The following UBR2 variants were observed in gnomAD, a reference collection of about 807,000 sequenced individuals.
The protein encoded by UBR2 is ubiquitin protein ligase E3 component n-recognin 2.
In UBR2, 92 loss-of-function variants were observed where a neutral mutation model predicts 247.9. That is an observed-to-expected ratio of 0.37 (90% CI 0.31 to 0.44). The LOEUF is 0.44. Among genes scored for constraint, UBR2 ranks in the 20% least tolerant of loss-of-function variants. The probability of loss-of-function intolerance (pLI) is 1.00; values close to 1 mark genes in which losing one functional copy is unlikely to be tolerated. For synonymous variants in UBR2, 672 were observed against 693.5 expected (o/e 0.97, Z 0.49); for missense variants, 1,613 against 2,112.6 (o/e 0.76, Z 4.64).
Position 42,644,326 on chromosome 6 carries a change from TTACCCA to T in UBR2, c.2213_2218del (p.Thr738_His739del). 1 of 1,612,278 alleles carries T rather than the reference TTACCCA, an allele frequency of 6.2e-7. No homozygotes were observed. The highest frequency in any genetic ancestry group is 8.5e-7 in the Non-Finnish European group (1 of 1,179,582). On this transcript the variant is annotated inframe_deletion, in exon 19 of 47. Transcript: ENST00000372901. ...TATGGAAAAAGATTTAGTTCTGAGA[TTACCCA>T]TAAGGTAAGAACGTGTTTTATGAAA... is the stretch of plus-strand genomic sequence containing the variant.
At position 42,663,261 on chromosome 6, in the gene UBR2, T is replaced by C; in HGVS notation, c.3540T>C (p.Tyr1180=). 1.2e-6 allele frequency: 2 copies of C among 1,601,236 alleles called. No individual in the cohort carries two copies. Among genetic ancestry groups the C allele is most frequent in the Non-Finnish European group, 1.7e-6 (2 of 1,174,470 alleles). The change falls in exon 32 of 47, where the codon TAT becomes TAC. Residue 1180 remains tyrosine, a synonymous_variant. Coordinates refer to ENST00000372901, the MANE Select transcript of UBR2 (RefSeq NM_001363705.2). The part of the protein sequence containing the change: ...HIMHAHCWQR[Y]FDSVQAKEQR... ...CTCATGTTCTCTAATTGTAAAGGTA[T>C]TTTGATTCCGTTCAAGCTAAAGAAC...
chr6:42,644,465 T>C lies in UBR2; in HGVS notation c.2221-8T>C. 1 of 1,610,898 alleles carries C rather than the reference T, an allele frequency of 6.2e-7. No individual in the cohort carries two copies. On this transcript the variant is annotated splice_polypyrimidine_tract_variant and splice_region_variant and intron_variant, in intron 19 of 46. Transcript: ENST00000372901. Reference sequence around the variant, plus strand: ...TCTCTGAACTTTATCTTCCCTCACTTGTTATAGGATGTTGTTCAGCAGAAC... The same window carrying C: ...TCTCTGAACTTTATCTTCCCTCACTCGTTATAGGATGTTGTTCAGCAGAAC...
chr6:42,574,853 C>T lies in UBR2; in HGVS notation c.338+860C>T, dbSNP rs145545461. On this transcript the variant is annotated intron_variant, in intron 2 of 46. Transcript: ENST00000372901. The stretch of plus-strand genomic sequence containing the variant: ...TGGGATTACAGGCTTAGCCCATGAC[C>T]ATGCCCAGTTAATTTTTGTATTTTT... 4.0e-3 allele frequency among the ~76,000 whole-genome samples: 611 copies of T among 152,146 alleles called. 1 individual carries two copies. Among genetic ancestry groups the T allele is most frequent in the African/African-American group, 0.014 (566 of 41,526 alleles).
At chr6:42,655,959 T>A (rs1271379541) in intron 26 of UBR2, among the ~76,000 whole-genome samples, 1 of 152,154 alleles carries the variant, frequency 6.6e-6, no homozygotes, top group East Asian at 1.9e-4. Flanking sequence ...GACGTAAGAT[T>A]CTACAGTATT....
chr6:42,633,178 GT>G (rs1795867599), intron 13 of UBR2, among the ~76,000 whole-genome samples: 8 of 151,184 alleles, frequency 5.3e-5, no homozygotes, highest in African/African-American at 1.9e-4. Context: ...TGTTGTTGTT[GT>G]TGTTGTTGTT....
rs151079380 is a variant in UBR2 at position 42,589,207 on chromosome 6, G to A, written c.339-2944G>A. Among the ~76,000 whole-genome samples the A allele has an allele frequency of 6.3e-3, 961 of 152,226 alleles. 11 individuals are homozygous for A. The highest frequency in any genetic ancestry group is 0.022 in the African/African-American group (928 of 41,534). On this transcript the variant is annotated intron_variant, in intron 2 of 46. Coordinates refer to ENST00000372901, the MANE Select transcript of UBR2 (RefSeq NM_001363705.2). ...ACTGGTCTAACTCCTGGCTTCAAGC[G>A]ATCCTCTCACCTCAGCCTCCCAAAG...
At position 42,642,470 on chromosome 6, in the gene UBR2, G is replaced by A; in HGVS notation, c.2086G>A (p.Val696Ile). 1 of 1,610,492 alleles carries A rather than the reference G, an allele frequency of 6.2e-7. No individual in the cohort carries two copies. The highest frequency in any genetic ancestry group is 8.5e-7 in the Non-Finnish European group (1 of 1,177,268). The change falls in exon 18 of 47, where the codon GTA becomes ATA. Residue 696 changes from valine to isoleucine, a missense_variant. Around this residue, in one of 3 missense-constraint regions of UBR2, gnomAD observed 1,524 missense variants for 1,967.3 expected, o/e 0.77. Transcript: ENST00000372901. ...CRREMFDKDV[V>I]MLQTGVSMMD... Reference sequence around the variant, plus strand: ...ACGTGAGATGTTTGACAAGGATGTAGTAATGCTTCAGGTAATGAATTAAAA... The same window carrying A: ...ACGTGAGATGTTTGACAAGGATGTAATAATGCTTCAGGTAATGAATTAAAA...
At chr6:42,645,969 C>A (rs955306348) in intron 21 of UBR2, among the ~76,000 whole-genome samples, 1 of 152,146 alleles carries the variant, frequency 6.6e-6, no homozygotes, top group Admixed American at 6.6e-5. Flanking sequence ...AGTGCCTACT[C>A]ACCTATACTG....
At chr6:42,581,590 G>A (rs1791908013) in intron 2 of UBR2, among the ~76,000 whole-genome samples, 3 of 152,140 alleles carry the variant, frequency 2.0e-5, no homozygotes, top group Admixed American at 2.0e-4. Flanking sequence ...GCCTACCAAA[G>A]TGTTGTGATT....
chr6:42,635,317 T>C (rs1326409347), intron 13 of UBR2, 101 bp from the exon 14 acceptor site: 1 of 1,225,318 alleles, frequency 8.2e-7, no homozygotes, highest in African/African-American at 1.5e-5. Context: ...CTTCTATGTT[T>C]TTATAATCAA....
intron 1 of UBR2, among the ~76,000 whole-genome samples, chr6:42,568,032 G>A (rs1790887074): frequency 6.6e-6 from 1 of 152,142 alleles, no homozygotes; most frequent in Non-Finnish European, 1.5e-5. Flanking sequence ...GGGTGATACA[G>A]TGAGACCCTG....
chr6:42,646,283 T>C (rs1796748534), intron 21 of UBR2, among the ~76,000 whole-genome samples: 1 of 152,192 alleles, frequency 6.6e-6, no homozygotes, highest in African/African-American at 2.4e-5. Context: ...TAATTAACAT[T>C]TATTTTTCTG....
intron 5 of UBR2, 110 bp downstream of exon 5, chr6:42,603,828 A>G (rs750325546): frequency 1.4e-5 from 16 of 1,106,876 alleles, no homozygotes; most frequent in Middle Eastern, 2.9e-4. Flanking sequence ...TAGCAGAACA[A>G]TAACCTCAAT....
chr6:42,620,829 G>C (rs1794944171), intron 11 of UBR2, among the ~76,000 whole-genome samples: 1 of 148,916 alleles, frequency 6.7e-6, no homozygotes, highest in Non-Finnish European at 1.5e-5. Context: ...TTTTTAGACG[G>C]AGTCTCGCTC....
At chr6:42,606,298 A>G (rs1006936946) in intron 6 of UBR2, among the ~76,000 whole-genome samples, 58 of 152,190 alleles carry the variant, frequency 3.8e-4, no homozygotes, top group African/African-American at 1.3e-3. Context: ...GGGTATAACT[A>G]TAAGCTATTG....
Position 42,659,563 on chromosome 6 carries a change from T to TAC in UBR2, c.3243-79_3243-78dup, listed in dbSNP as rs1206751081. 2.5e-4 allele frequency: 151 copies of TAC among 596,242 alleles called. No individual in the cohort carries two copies. The highest frequency in any genetic ancestry group is 1.1e-3 in the Middle Eastern group (3 of 2,696). The allele number at this position is 596,242 out of a possible 1,614,324, so 36.9% of individuals were successfully genotyped here. On this transcript the variant is annotated intron_variant, in intron 29 of 46. Coordinates refer to ENST00000372901, the MANE Select transcript of UBR2 (RefSeq NM_001363705.2). This position sits in a 1 kb window ranked among gnomAD's most constrained non-coding sequence, Gnocchi z 4.3. The stretch of plus-strand genomic sequence containing the variant: ...CACACACACACACACACACACACAC[T>TAC]ACACACACACACACATACCTGTAGT...
At chr6:42,569,894 T>C (rs1193951473) in intron 1 of UBR2, among the ~76,000 whole-genome samples, 1 of 152,238 alleles carries the variant, frequency 6.6e-6, no homozygotes, top group African/African-American at 2.4e-5. Flanking sequence ...ACAGTTTCTT[T>C]ACTTCCCTTA....
chr6:42,653,040 A>G (rs1315010025), intron 25 of UBR2, among the ~76,000 whole-genome samples: 1 of 152,174 alleles, frequency 6.6e-6, no homozygotes, highest in East Asian at 1.9e-4. Flanking sequence ...TTACGGTCCT[A>G]TAGCTAGTTA....
chr6:42,690,512 A>G (rs1211234621), intron 46 of UBR2, among the ~76,000 whole-genome samples: 1 of 152,250 alleles, frequency 6.6e-6, no homozygotes, highest in Non-Finnish European at 1.5e-5. Context: ...TTGTGTTTAA[A>G]TTAGACCTGG....
Sources: gnomAD v4.1 joint callset for allele counts (sites outside exome capture counted in the v4.1 genomes callset) on GRCh38, gnomAD v4.1.1 for gene constraint, gnomAD v4.1.1 regional missense constraint, Gnocchi (gnomAD v3.1) non-coding constraint, MANE v1.5 for transcripts, NCBI Gene and HGNC (gene_info 2026-07-23, HGNC 2026-07-21) for gene names.